Variants in KIF15 observed in about 807,000 individuals in gnomAD.
The protein encoded by KIF15 is kinesin-like protein KIF15.
In KIF15, 140 loss-of-function variants were observed where a neutral mutation model predicts 190.6. That is an observed-to-expected ratio of 0.73 (90% confidence interval 0.64 to 0.84). The LOEUF is 0.84. KIF15 is among the 40% of genes least tolerant of loss of function. KIF15 has a pLI of 0.00. For synonymous variants in KIF15, 528 were observed against 551.3 expected (o/e 0.96, Z 0.59); for missense variants, 1,372 against 1,584.4 (o/e 0.87, Z 2.28).
Position 44,839,248 on chromosome 3 carries a change from G to A in KIF15, c.3318+827G>A, listed in dbSNP as rs544153500. On this transcript the variant is annotated intron_variant, in intron 27 of 34. Coordinates refer to ENST00000326047, the MANE Select transcript of KIF15 (RefSeq NM_020242.3). The stretch of plus-strand genomic sequence containing the variant: ...TTAGCCGGGCGTGGTGGCCGGCTCC[G>A]GTAGTCCCAGCTACTCGGGAAGGCT... 1.5e-4 allele frequency among the ~76,000 whole-genome samples: 23 copies of A among 151,908 alleles called. No individual in the cohort carries two copies. The East Asian group carries it at 4.1e-3, about 27-fold the overall frequency.
intron 6 of KIF15, chr3:44,864,172 G>A (rs546536597): frequency 6.2e-7 from 1 of 1,612,650 alleles, no homozygotes; most frequent in Non-Finnish European, 8.5e-7. Flanking sequence ...GGTGGACGTG[G>A]CTGCAGTGAC....
Position 44,851,929 on chromosome 3 carries a change from G to C in KIF15, c.3949G>C (p.Glu1317Gln). The C allele has an allele frequency of 6.2e-7, 1 of 1,613,644 alleles. No individual in the cohort carries two copies. Among genetic ancestry groups the C allele is most frequent in the Non-Finnish European group, 8.5e-7 (1 of 1,179,810 alleles). Residue 1317 changes from glutamate (E) to glutamine (Q), a missense_variant, in exon 33 of 35, where the codon GAA becomes CAA. Physicochemically the swap from Glu to Gln is conservative, Grantham distance 29 (BLOSUM62 2). Transcript: ENST00000326047. ...QLRSKLEEMY[E>Q]ERERTSQEME... ...GAGATCAAAGCTGGAAGAAATGTAT[G>C]AAGAAAGAGAGAGAACATCCCAGGT...
intron 10 of KIF15, among the ~76,000 whole-genome samples, chr3:44,798,346 A>G (rs1321835261): frequency 2.0e-5 from 3 of 150,082 alleles, no homozygotes; most frequent in East Asian, 2.0e-4. Context: ...TATTTTTTTA[A>G]TTTTTATTTT....
intron 6 of KIF15, among the ~76,000 whole-genome samples, chr3:44,859,636 C>T (rs1423009276): frequency 2.6e-5 from 4 of 152,100 alleles, no homozygotes; most frequent in African/African-American, 7.2e-5. Flanking sequence ...TCCAGCCTGG[C>T]AGACAGAGCA....
In KIF15 at chr3:44,826,134, C is replaced by G; in HGVS notation, c.2645C>G (p.Ser882Ter). The change falls in exon 21 of 35, where the codon TCA becomes TGA. Residue 882 changes from serine (S) to a stop codon, truncating the protein, a stop_gained. Coordinates refer to ENST00000326047, the MANE Select transcript of KIF15 (RefSeq NM_020242.3). LOFTEE classifies it high-confidence loss of function. ...ATGAAATTTGAGATTGACCAACTTT[C>G]AAGAAACCTCCAAAACTTCAAAAAA... Reference protein sequence around the residue: ...EIMKFEIDQLSRNLQNFKKEN... With the variant: ...EIMKFEIDQL 1.9e-6 allele frequency: 3 copies of G among 1,585,992 alleles called. No homozygotes were observed. The highest frequency in any genetic ancestry group is 2.6e-6 in the Non-Finnish European group (3 of 1,173,090).
Position 44,775,282 on chromosome 3 carries a change from GT to G in KIF15, c.92del (p.Val31GlyfsTer68), listed in dbSNP as rs1705821399. 6.2e-7 allele frequency: 1 copy of G among 1,613,276 alleles called. No individual in the cohort carries two copies. The highest frequency in any genetic ancestry group is 8.5e-7 in the Non-Finnish European group (1 of 1,179,732). ...SNEGDAIKVF[V>X]RIRPPAERSG... Reference sequence around the variant, plus strand: ...TGAAGGTGATGCCATCAAAGTTTTTGTGCGAATTCGTCCTCCTGCAGAAAGA... The same window carrying G: ...TGAAGGTGATGCCATCAAAGTTTTTGGCGAATTCGTCCTCCTGCAGAAAGA... On this transcript the variant is annotated frameshift_variant, in exon 3 of 35. Transcript: ENST00000326047. LOFTEE classifies it high-confidence loss of function.
Position 44,841,609 on chromosome 3 carries a change from A to G in KIF15, c.3585+371A>G, listed in dbSNP as rs924949665. Among the ~76,000 whole-genome samples, 5 of 152,158 alleles carry G rather than the reference A, an allele frequency of 3.3e-5. No homozygotes were observed. The East Asian group carries it at 7.8e-4, about 24-fold the overall frequency. ...GAGACGGAGTTTCACTGTGTTAGCCAGGATGGTCTTGATCTCCTGACCTCA... is the reference window on the plus strand; with the variant it reads ...GAGACGGAGTTTCACTGTGTTAGCCGGGATGGTCTTGATCTCCTGACCTCA... On this transcript the variant is annotated intron_variant, in intron 29 of 34. Transcript: ENST00000326047.
intron 32 of KIF15, 35 bp from the exon 33 acceptor site, chr3:44,851,752 T>A (rs985464155): frequency 6.5e-7 from 1 of 1,547,130 alleles, no homozygotes; most frequent in Admixed American, 2.0e-5. Context: ...TTATGTTTCT[T>A]TCAAATACTA....
intron 1 of KIF15, among the ~76,000 whole-genome samples, chr3:44,767,786 T>G (rs930745740): frequency 6.6e-6 from 1 of 150,492 alleles, no homozygotes; most frequent in Non-Finnish European, 1.5e-5. Flanking sequence ...TCCCAGCTAC[T>G]CCGGAGGCTG....
intron 6 of KIF15, among the ~76,000 whole-genome samples, chr3:44,868,411 A>G (rs1338425888): frequency 2.0e-5 from 3 of 152,254 alleles, no homozygotes; most frequent in African/African-American, 7.2e-5. Flanking sequence ...CTAATTTTCT[A>G]TTAGAATAAT....
chr3:44,778,220 A>G, intron 4 of KIF15, 29 bp downstream of exon 4: 1 of 1,506,190 alleles, frequency 6.6e-7, no homozygotes, highest in East Asian at 2.3e-5. Context: ...CCTTATACAT[A>G]GTACATGCTT....
chr3:44,861,272 T>A (rs1699240982), intron 6 of KIF15, among the ~76,000 whole-genome samples: 1 of 152,278 alleles, frequency 6.6e-6, no homozygotes, highest in Non-Finnish European at 1.5e-5. Context: ...ATTACAGGCA[T>A]GAGCCACCAC....
chr3:44,815,400 T>G (rs1466812422), intron 20 of KIF15, among the ~76,000 whole-genome samples: 1 of 152,178 alleles, frequency 6.6e-6, no homozygotes, highest in African/African-American at 2.4e-5. Flanking sequence ...GTTCCCAGGA[T>G]AAAAACCCCT....
At chr3:44,819,807 C>CT (rs1306020182) in intron 20 of KIF15, among the ~76,000 whole-genome samples, 6 of 152,086 alleles carry the variant, frequency 3.9e-5, no homozygotes, top group Non-Finnish European at 7.4e-5. Context: ...CCTTGTTAAC[C>CT]TTCTGTCTCA....
At chr3:44,779,359 G>A (rs1706058515) in intron 4 of KIF15, among the ~76,000 whole-genome samples, 1 of 152,194 alleles carries the variant, frequency 6.6e-6, no homozygotes, top group Non-Finnish European at 1.5e-5. Context: ...GGCGCTAGGT[G>A]TGTTTGGTTT....
At chr3:44,838,704 C>T (rs1006440580) in intron 27 of KIF15, among the ~76,000 whole-genome samples, 5 of 148,782 alleles carry the variant, frequency 3.4e-5, no homozygotes, top group African/African-American at 1.2e-4. Flanking sequence ...GCCAAGATTG[C>T]ACCACTGCAC....
At chr3:44,811,554 A>G (rs1575626451) in intron 17 of KIF15, among the ~76,000 whole-genome samples, 1 of 152,240 alleles carries the variant, frequency 6.6e-6, no homozygotes, top group South Asian at 2.1e-4. Flanking sequence ...CTGAGGCAGG[A>G]GAATTGCTTG....
In KIF15 at chr3:44,775,549, G is replaced by A. The variant is rs200822841; in HGVS notation, c.246+112G>A. 1.4e-3 allele frequency: 1,011 copies of A among 698,390 alleles called. 11 individuals carry two copies. In the East Asian group the frequency reaches 0.024, roughly 17 times the overall value. The allele number at this position is 698,390 out of a possible 1,614,324, so 43.3% of individuals were successfully genotyped here. On this transcript the variant is annotated intron_variant, in intron 3 of 34. Coordinates refer to ENST00000326047, the MANE Select transcript of KIF15 (RefSeq NM_020242.3). ...CGGCTCACTGCACCCTCTGCCTCCC[G>A]GGTTCAAGTGATTCTCCTGCCTCAG... is the stretch of plus-strand genomic sequence containing the variant.
intron 26 of KIF15, among the ~76,000 whole-genome samples, chr3:44,834,794 G>A (rs1016178814): frequency 4.6e-4 from 70 of 151,462 alleles, no homozygotes; most frequent in African/African-American, 1.4e-3. Flanking sequence ...TTACCTGGGC[G>A]TGGTGGCACG....
Sources: allele counts gnomAD v4.1 joint callset (sites outside exome capture counted in the v4.1 genomes callset), GRCh38; gene constraint gnomAD v4.1.1; transcripts MANE v1.5; gene names NCBI Gene and HGNC (gene_info 2026-07-23, HGNC 2026-07-21).